ARMH4: variants seen among roughly 807,000 people sequenced by gnomAD.
ARMH4 encodes armadillo-like helical domain-containing protein 4.
In ARMH4, 49 loss-of-function variants were observed where a neutral mutation model predicts 61.9. The observed-to-expected ratio is 0.79, with a 90% CI of 0.63 to 1.00. ARMH4 has a LOEUF of 1.00. Among genes scored for constraint, ARMH4 ranks in the 50% least tolerant of loss-of-function variants. The pLI is 0.00. For missense variants in ARMH4, 934 were observed against 930.0 expected, an observed-to-expected ratio of 1.00 and a Z score of -0.06; for synonymous variants, 368 against 341.5, an observed-to-expected ratio of 1.08 and a Z score of -0.85.
At chr14:58,046,261 A>G (rs572878321) in intron 5 of ARMH4, among the ~76,000 whole-genome samples, 3 of 152,250 alleles carry the variant, frequency 2.0e-5, no homozygotes, top group East Asian at 1.9e-4. Context: ...TGGAAACTAA[A>G]TCCCTGGTAG....
At chr14:58,006,757 T>C (rs756436850) in intron 6 of ARMH4, among the ~76,000 whole-genome samples, 33 of 116,604 alleles carry the variant, frequency 2.8e-4, no homozygotes, top group Non-Finnish European at 4.7e-4. Context: ...CCGGGCCCTG[T>C]CGTGGGGTGA....
intron 4 of ARMH4, among the ~76,000 whole-genome samples, chr14:58,126,239 C>A (rs772316702): frequency 6.6e-6 from 1 of 152,158 alleles, no homozygotes; most frequent in Non-Finnish European, 1.5e-5. Context: ...AAGAAAGAGA[C>A]AAAGACATTG....
At chr14:58,111,631 A>G (rs990472602) in intron 4 of ARMH4, among the ~76,000 whole-genome samples, 1 of 151,794 alleles carries the variant, frequency 6.6e-6, no homozygotes, top group Non-Finnish European at 1.5e-5. Context: ...GTGTCCTTAC[A>G]TGACATTTCC....
Position 58,131,525 on chromosome 14 carries a change from T to G in ARMH4, c.1818A>C (p.Gln606His). The G allele has an allele frequency of 6.2e-7, 1 of 1,613,852 alleles. No individual in the cohort carries two copies. Among genetic ancestry groups the G allele is most frequent in the Non-Finnish European group, 8.5e-7 (1 of 1,179,758 alleles). ...VNTAASYGLD[Q>H]LESEEGQEDE... Reference sequence around the variant, plus strand: ...AAGCATGAATACCTTCAGATTCAAGTTGGTCCAGGCCATATGAGGCAGCTG... The same window carrying G: ...AAGCATGAATACCTTCAGATTCAAGGTGGTCCAGGCCATATGAGGCAGCTG... Residue 606 changes from glutamine to histidine, a missense_variant, in exon 4 of 8, where the codon CAA (glutamine) becomes CAC (histidine). Physicochemically the swap from Gln to His is conservative, Grantham distance 24. Transcript: ENST00000267485.
chr14:58,071,968 A>G (rs1216547843), intron 5 of ARMH4, among the ~76,000 whole-genome samples: 1 of 152,188 alleles, frequency 6.6e-6, no homozygotes, highest in East Asian at 1.9e-4. Context: ...TTTACATGCT[A>G]TTTTATGCAA....
intron 5 of ARMH4, 22 bp downstream of exon 5, chr14:58,096,702 G>T: frequency 6.2e-7 from 1 of 1,604,434 alleles, no homozygotes; most frequent in East Asian, 2.2e-5. Flanking sequence ...GGGAGGAAAA[G>T]GGAAATACAC....
intron 4 of ARMH4, among the ~76,000 whole-genome samples, chr14:58,119,257 G>T (rs868405696): frequency 2.0e-5 from 3 of 152,280 alleles, no homozygotes; most frequent in African/African-American, 7.2e-5. Flanking sequence ...GAGGTAGTCC[G>T]ATGGCAAAAC....
chr14:58,028,549 TC>T (rs1883101469), intron 5 of ARMH4, among the ~76,000 whole-genome samples: 1 of 152,166 alleles, frequency 6.6e-6, no homozygotes, highest in Admixed American at 6.5e-5. Context: ...GGGCAGCTTT[TC>T]CAGGGTGCCA....
At chr14:58,057,340 G>T (rs988494808) in intron 5 of ARMH4, among the ~76,000 whole-genome samples, 1 of 152,148 alleles carries the variant, frequency 6.6e-6, no homozygotes, top group East Asian at 1.9e-4. Context: ...TAGGTACTAC[G>T]CAATTTGTTA....
intron 2 of ARMH4, among the ~76,000 whole-genome samples, chr14:58,137,536 T>A (rs1887346317): frequency 6.6e-6 from 1 of 152,106 alleles, no homozygotes; most frequent in African/African-American, 2.4e-5. Context: ...GTAGCTGGGA[T>A]TACAGGCACC....
chr14:58,070,455 C>G (rs1594738296), intron 5 of ARMH4, among the ~76,000 whole-genome samples: 1 of 152,292 alleles, frequency 6.6e-6, no homozygotes, highest in African/African-American at 2.4e-5. Flanking sequence ...AAATTAATAG[C>G]AAGGCTAGAG....
chr14:58,024,189 A>G (rs1955641), intron 5 of ARMH4, among the ~76,000 whole-genome samples: 41,138 of 152,072 alleles, frequency 0.27, 5,730 homozygotes, highest in Non-Finnish European at 0.3. Flanking sequence ...CCTATATAAC[A>G]TCTTCCAATA....
chr14:58,032,935 A>G (rs1201909270), intron 5 of ARMH4, among the ~76,000 whole-genome samples: 1 of 150,664 alleles, frequency 6.6e-6, no homozygotes, highest in Non-Finnish European at 1.5e-5. Context: ...CTAGCACAGC[A>G]GTCTAAGATC....
chr14:58,142,588 C>T (rs1374994547), intron 1 of ARMH4, among the ~76,000 whole-genome samples: 5 of 152,114 alleles, frequency 3.3e-5, no homozygotes, highest in Non-Finnish European at 5.9e-5. Flanking sequence ...TCTTGTGCCT[C>T]AGCCTCCCGA....
At chr14:58,026,511 T>C (rs940747011) in intron 5 of ARMH4, among the ~76,000 whole-genome samples, 16 of 152,138 alleles carry the variant, frequency 1.1e-4, no homozygotes, top group African/African-American at 3.6e-4. Context: ...CTTCAATTCA[T>C]TGGTGAAAAA....
At position 58,139,269 on chromosome 14, in the gene ARMH4, T is replaced by C. The variant is rs1472438474; in HGVS notation, c.90A>G (p.Lys30=). Residue 30 remains lysine (K), a synonymous_variant, in exon 2 of 8, where the codon AAA becomes AAG. Transcript: ENST00000267485. The part of the protein sequence containing the change: ...SVATQCLAFP[K]IERRREIAHV... ...GTGCTATCTCCCTCCTCCTTTCTAT[T>C]TTGGGGAAGGCCAGACATTGTGTGG... The C allele has an allele frequency of 6.2e-7, 1 of 1,613,976 alleles. No individual in the cohort carries two copies. Among genetic ancestry groups the C allele is most frequent in the Non-Finnish European group, 8.5e-7 (1 of 1,180,030 alleles).
At chr14:58,133,670 T>A (rs1165607822) in intron 2 of ARMH4, among the ~76,000 whole-genome samples, 1 of 152,210 alleles carries the variant, frequency 6.6e-6, no homozygotes, top group African/African-American at 2.4e-5. Flanking sequence ...AAGAAACAAG[T>A]TATACAGAAC....
intron 5 of ARMH4, among the ~76,000 whole-genome samples, chr14:58,052,561 G>C (rs1314676552): frequency 6.6e-6 from 1 of 152,026 alleles, no homozygotes; most frequent in African/African-American, 2.4e-5. Flanking sequence ...CTTTCCATTG[G>C]CTTCTGTGAC....
intron 5 of ARMH4, among the ~76,000 whole-genome samples, chr14:58,013,514 G>A (rs1419850163): frequency 6.6e-6 from 1 of 152,128 alleles, no homozygotes; most frequent in African/African-American, 2.4e-5. Context: ...TAACCAAGAA[G>A]TCGGTGCCTC....
Sources: allele counts gnomAD v4.1 joint callset (sites outside exome capture counted in the v4.1 genomes callset), GRCh38; gene constraint gnomAD v4.1.1; transcripts MANE v1.5; gene names NCBI Gene and HGNC (gene_info 2026-07-23, HGNC 2026-07-21).